FYN: variants seen among roughly 807,000 people sequenced by gnomAD.
The protein encoded by FYN is tyrosine-protein kinase Fyn.
Under a neutral mutation model 70.2 loss-of-function variants are expected in FYN, and 10 were observed. That is an observed-to-expected ratio of 0.14 (90% CI 0.09 to 0.24). FYN has a LOEUF of 0.24. Among genes scored for constraint, FYN ranks in the 10% least tolerant of loss-of-function variants. The pLI, the probability that FYN is intolerant of heterozygous loss-of-function variation, is 1.00. For missense variants in FYN, 319 were observed against 673.1 expected (o/e 0.47, Z 5.82); for synonymous variants, 236 against 248.6 (o/e 0.95, Z 0.48).
At chr6:111,757,897 A>G (rs1463308477) in intron 3 of FYN, among the ~76,000 whole-genome samples, 2 of 152,194 alleles carry the variant, frequency 1.3e-5, no homozygotes, top group Non-Finnish European at 2.9e-5. Context: ...AGTCTTAGAG[A>G]AGGAAACTAT....
At chr6:111,749,547 G>A (rs1802393670) in intron 3 of FYN, among the ~76,000 whole-genome samples, 3 of 152,216 alleles carry the variant, frequency 2.0e-5, no homozygotes, top group African/African-American at 7.2e-5. Flanking sequence ...ATCCTCCCCT[G>A]AGGGAGGGAG....
At chr6:111,786,324 C>T (rs1771381771) in intron 2 of FYN, among the ~76,000 whole-genome samples, 1 of 151,716 alleles carries the variant, frequency 6.6e-6, no homozygotes, top group South Asian at 2.1e-4. Flanking sequence ...GTTTTTTGTC[C>T]TTGTGATAGT....
rs142330670 is a variant in FYN at position 111,757,078 on chromosome 6, T to C, written c.-12+23488A>G. On this transcript the variant is annotated intron_variant, in intron 3 of 13. Coordinates refer to ENST00000354650, the MANE Select transcript of FYN (RefSeq NM_002037.5). Reference sequence around the variant, plus strand: ...ACAAAAACTTGTAATTATTTATAGATGGTATGTCTGTTACACAGAAAAACT... The same window carrying C: ...ACAAAAACTTGTAATTATTTATAGACGGTATGTCTGTTACACAGAAAAACT... Among the ~76,000 whole-genome samples the C allele has an allele frequency of 8.5e-5, 13 of 152,300 alleles. No homozygotes were observed. The East Asian group carries it at 2.5e-3, about 29-fold the overall frequency.
At chr6:111,819,572 A>C (rs2114355505) in intron 2 of FYN, among the ~76,000 whole-genome samples, 1 of 152,196 alleles carries the variant, frequency 6.6e-6, no homozygotes, top group African/African-American at 2.4e-5. Flanking sequence ...CCCATATTAA[A>C]TTGAGTTTCA....
At chr6:111,801,571 G>C (rs1771985696) in intron 2 of FYN, among the ~76,000 whole-genome samples, 1 of 152,212 alleles carries the variant, frequency 6.6e-6, no homozygotes, top group African/African-American at 2.4e-5. Flanking sequence ...CAGCCACTTA[G>C]ACACATCAGT....
chr6:111,735,050 C>T (rs185487053), intron 3 of FYN, among the ~76,000 whole-genome samples: 1 of 152,218 alleles, frequency 6.6e-6, no homozygotes, highest in East Asian at 1.9e-4. Context: ...GGATATTAGC[C>T]CAGGCAGGGA....
intron 1 of FYN, among the ~76,000 whole-genome samples, chr6:111,871,537 A>G (rs558835974): frequency 1.3e-5 from 2 of 152,344 alleles, no homozygotes; most frequent in African/African-American, 4.8e-5. Flanking sequence ...TTACTTCAAT[A>G]AAAGGGTAAA....
intron 2 of FYN, among the ~76,000 whole-genome samples, chr6:111,787,395 T>C (rs1192724238): frequency 6.6e-6 from 1 of 152,246 alleles, no homozygotes; most frequent in African/African-American, 2.4e-5. Context: ...GTATTATTTC[T>C]GAGGGCTCTG....
chr6:111,688,943 A>G (rs1304756687), intron 12 of FYN, among the ~76,000 whole-genome samples: 1 of 152,158 alleles, frequency 6.6e-6, no homozygotes, highest in Non-Finnish European at 1.5e-5. Flanking sequence ...GCTATAAAAT[A>G]GGGAGACAGT....
intron 3 of FYN, among the ~76,000 whole-genome samples, chr6:111,732,288 TG>T (rs1441269037): frequency 6.7e-6 from 1 of 148,868 alleles, no homozygotes; most frequent in Non-Finnish European, 1.5e-5. Context: ...GAGAATACAA[TG>T]TTTTTTTATA....
intron 2 of FYN, among the ~76,000 whole-genome samples, chr6:111,804,872 G>A (rs1398993667): frequency 5.9e-5 from 9 of 152,248 alleles, no homozygotes; most frequent in South Asian, 2.1e-4. Context: ...TCTAGGCTTC[G>A]CTGGTCATTT....
chr6:111,835,965 T>C (rs1310055670), intron 2 of FYN, among the ~76,000 whole-genome samples: 1 of 152,158 alleles, frequency 6.6e-6, no homozygotes, highest in Non-Finnish European at 1.5e-5. Context: ...GGTGGTGGCA[T>C]ACTGTAAAGC....
chr6:111,734,179 A>G (rs1455232753), intron 3 of FYN, among the ~76,000 whole-genome samples: 1 of 152,160 alleles, frequency 6.6e-6, no homozygotes, highest in Non-Finnish European at 1.5e-5. Context: ...AAGGAGCCCA[A>G]AGACCTTTTG....
intron 2 of FYN, among the ~76,000 whole-genome samples, chr6:111,787,199 A>G: frequency 6.6e-6 from 1 of 152,086 alleles, no homozygotes; most frequent in East Asian, 1.9e-4. Context: ...ATGGTTTTAG[A>G]TCTAACATGT....
chr6:111,779,011 T>TC (rs1771063678), intron 3 of FYN, among the ~76,000 whole-genome samples: 1 of 152,014 alleles, frequency 6.6e-6, no homozygotes, highest in African/African-American at 2.4e-5. Context: ...CACAAGGGTT[T>TC]CCCTGTAGGC....
At chr6:111,853,976 T>A (rs1184670702) in intron 1 of FYN, among the ~76,000 whole-genome samples, 1 of 152,226 alleles carries the variant, frequency 6.6e-6, no homozygotes, top group Non-Finnish European at 1.5e-5. Context: ...GGAAAGCAGA[T>A]GGAGAAATGT....
intron 2 of FYN, among the ~76,000 whole-genome samples, chr6:111,809,404 T>G (rs1281395017): frequency 6.6e-6 from 1 of 152,216 alleles, no homozygotes; most frequent in East Asian, 1.9e-4. Context: ...TGTGCACTTT[T>G]CATCAGCATA....
chr6:111,717,205 A>C (rs1237088115), intron 4 of FYN, among the ~76,000 whole-genome samples: 1 of 152,196 alleles, frequency 6.6e-6, no homozygotes, highest in Non-Finnish European at 1.5e-5. Flanking sequence ...ACGTCAAAAG[A>C]CATTTTTGAG....
At chr6:111,770,342 T>G in intron 3 of FYN, among the ~76,000 whole-genome samples, 1 of 152,214 alleles carries the variant, frequency 6.6e-6, no homozygotes, top group East Asian at 1.9e-4. Context: ...CTAGATAGCT[T>G]TAAATTGTAC....
Sources: allele counts gnomAD v4.1 joint callset (sites outside exome capture counted in the v4.1 genomes callset), GRCh38; gene constraint gnomAD v4.1.1; transcripts MANE v1.5; gene names NCBI Gene and HGNC (gene_info 2026-07-23, HGNC 2026-07-21).